ZFHX3: variants seen among roughly 807,000 people sequenced by gnomAD.
ZFHX3 encodes zinc finger homeobox 3.
In ZFHX3, 42 loss-of-function variants were observed where a neutral mutation model predicts 279.1. That is an observed-to-expected ratio of 0.15 (90% CI 0.12 to 0.19). The LOEUF is 0.19. Among genes scored for constraint, ZFHX3 ranks in the 10% least tolerant of loss-of-function variants. The pLI, the probability that ZFHX3 is intolerant of heterozygous loss-of-function variation, is 1.00. For missense variants in ZFHX3, 4,981 were observed against 4,754.0 expected (o/e 1.05, Z -1.40); for synonymous variants, 2,293 against 1,957.8 (o/e 1.17, Z -4.52).
intron 1 of ZFHX3, among the ~76,000 whole-genome samples, chr16:73,823,694 AC>A (rs1259364635): frequency 6.6e-6 from 1 of 152,164 alleles, no homozygotes; most frequent in Non-Finnish European, 1.5e-5. Flanking sequence ...AGACCATCAG[AC>A]CCGCAAAACT....
chr16:73,709,772 G>C (rs1265629073), intron 1 of ZFHX3, among the ~76,000 whole-genome samples: 1 of 151,274 alleles, frequency 6.6e-6, no homozygotes, highest in African/African-American at 2.4e-5. Flanking sequence ...GATTTTAAAT[G>C]TTCTCACCCC....
chr16:73,708,879 A>G (rs1320135562), intron 1 of ZFHX3, among the ~76,000 whole-genome samples: 2 of 152,230 alleles, frequency 1.3e-5, no homozygotes, highest in African/African-American at 4.8e-5. Context: ...GAGAAAGAGC[A>G]TAACAAAGTC....
intron 3 of ZFHX3, among the ~76,000 whole-genome samples, chr16:73,319,128 C>T (rs997598548): frequency 3.3e-5 from 5 of 151,486 alleles, no homozygotes; most frequent in Admixed American, 2.0e-4. Flanking sequence ...GGGCAGAGGA[C>T]GCACAAGGAC....
intron 3 of ZFHX3, among the ~76,000 whole-genome samples, chr16:73,423,043 T>C (rs1180606537): frequency 6.6e-6 from 1 of 152,134 alleles, no homozygotes; most frequent in African/African-American, 2.4e-5. Context: ...TTCTTTCTTA[T>C]AAGAATCCCA....
chr16:73,370,478 G>C (rs1310200786), intron 3 of ZFHX3, among the ~76,000 whole-genome samples: 2 of 152,214 alleles, frequency 1.3e-5, no homozygotes, highest in Non-Finnish European at 2.9e-5. Flanking sequence ...TGCCATTAAT[G>C]GGGTGTCATT....
At chr16:73,153,413 C>T (rs186754775) in intron 5 of ZFHX3, among the ~76,000 whole-genome samples, 2 of 151,710 alleles carry the variant, frequency 1.3e-5, no homozygotes, top group African/African-American at 4.8e-5. Context: ...CCACACCTAG[C>T]CTTGGGGTGA....
chr16:72,817,275 G>A (rs144344688), intron 5 of ZFHX3, among the ~76,000 whole-genome samples: 3 of 152,206 alleles, frequency 2.0e-5, no homozygotes, highest in South Asian at 2.1e-4. Context: ...TTCGACATCC[G>A]AATCACTGAA....
Position 72,904,881 on chromosome 16 carries a change from G to C in ZFHX3, c.3217-14919C>G, listed in dbSNP as rs149996584. On this transcript the variant is annotated intron_variant, in intron 3 of 9. Coordinates refer to ENST00000268489, the MANE Select transcript of ZFHX3 (RefSeq NM_006885.4). ...GAGTCTCACTCTGTCACCCAGGCTA[G>C]AGTGCAGTAGTGCCATCTTGGCTCA... 1.8e-3 allele frequency among the ~76,000 whole-genome samples: 272 copies of C among 152,240 alleles called. 1 individual carries two copies. The highest frequency in any genetic ancestry group is 6.3e-3 in the African/African-American group (263 of 41,552).
intron 3 of ZFHX3, chr16:73,401,052 T>C (rs1161867106): frequency 1.3e-5 from 2 of 152,052 alleles, no homozygotes; most frequent in African/African-American, 4.8e-5. Flanking sequence ...TGGGATTTTT[T>C]TTTCTTTCTT....
At chr16:73,644,856 CCT>C (rs1202171641) in intron 2 of ZFHX3, among the ~76,000 whole-genome samples, 1 of 152,074 alleles carries the variant, frequency 6.6e-6, no homozygotes, top group Non-Finnish European at 1.5e-5. Flanking sequence ...GAAGTGAGCC[CCT>C]GTGTGTGACT....
At chr16:73,792,169 A>G (rs16972573) in intron 1 of ZFHX3, among the ~76,000 whole-genome samples, 1,753 of 152,348 alleles carry the variant, frequency 0.012, 32 homozygotes, top group African/African-American at 0.04. Flanking sequence ...TTTAATACGC[A>G]GCATGAAAAC....
At chr16:73,135,644 A>C (rs958440455) in intron 6 of ZFHX3, among the ~76,000 whole-genome samples, 6 of 151,406 alleles carry the variant, frequency 4.0e-5, no homozygotes, top group Admixed American at 3.3e-4. Flanking sequence ...CTATGTGCGG[A>C]TGTTCGAATC....
At chr16:73,533,266 T>C (rs1022378504) in intron 2 of ZFHX3, among the ~76,000 whole-genome samples, 6 of 151,778 alleles carry the variant, frequency 4.0e-5, no homozygotes, top group African/African-American at 1.5e-4. Flanking sequence ...GATTCAGAAG[T>C]GAACTTCCAA....
At chr16:73,366,442 A>G (rs189034038) in intron 3 of ZFHX3, among the ~76,000 whole-genome samples, 1 of 152,252 alleles carries the variant, frequency 6.6e-6, no homozygotes, top group Admixed American at 6.5e-5. Flanking sequence ...TGAAAAGAGA[A>G]AGACAGGGGC....
At chr16:72,834,159 G>C (rs924595178) in intron 4 of ZFHX3, among the ~76,000 whole-genome samples, 6 of 152,208 alleles carry the variant, frequency 3.9e-5, no homozygotes, top group Non-Finnish European at 5.9e-5. Context: ...GAGGTGGGAG[G>C]ATTACTTGAG....
intron 2 of ZFHX3, among the ~76,000 whole-genome samples, chr16:73,635,638 C>A (rs2052521082): frequency 6.6e-6 from 1 of 152,124 alleles, no homozygotes; most frequent in Non-Finnish European, 1.5e-5. Context: ...GGTTTCAAAG[C>A]TAACCTCTCA....
intron 2 of ZFHX3, among the ~76,000 whole-genome samples, chr16:73,459,226 G>A (rs559871788): frequency 1.6e-4 from 24 of 152,148 alleles, no homozygotes; most frequent in Non-Finnish European, 3.2e-4. Flanking sequence ...TGATTCACAC[G>A]CAGTTGAAGA....
At chr16:73,616,748 A>C (rs928496431) in intron 2 of ZFHX3, among the ~76,000 whole-genome samples, 4 of 152,150 alleles carry the variant, frequency 2.6e-5, no homozygotes, top group African/African-American at 9.7e-5. Flanking sequence ...CTTTCGAAAG[A>C]CACATCCGAT....
At position 73,572,874 on chromosome 16, in the gene ZFHX3, C is replaced by T. The variant is rs182272363; in HGVS notation, c.-1547+107306G>A. On this transcript the variant is annotated intron_variant, in intron 2 of 17. Coordinates refer to the ZFHX3 transcript ENST00000641206. ...CCTGTCTACTGAGCTGCCTTCAATG[C>T]GGCCACTCCAGTATAAATTGGATCA... is the stretch of plus-strand genomic sequence containing the variant. 2.0e-3 allele frequency among the ~76,000 whole-genome samples: 298 copies of T among 152,282 alleles called. 1 individual carries two copies. Among genetic ancestry groups the T allele is most frequent in the Non-Finnish European group, 3.3e-3 (225 of 68,024 alleles).
Sources: gnomAD v4.1 joint callset for allele counts (sites outside exome capture counted in the v4.1 genomes callset) on GRCh38, gnomAD v4.1.1 for gene constraint, MANE v1.5 for transcripts, NCBI Gene and HGNC (gene_info 2026-07-23, HGNC 2026-07-21) for gene names.